The following FAM135A variants were observed in gnomAD, a reference collection of about 807,000 sequenced individuals.
FAM135A encodes the protein family with sequence similarity 135 member A.
A neutral mutation model predicts 146.8 loss-of-function variants in FAM135A; 79 were observed. That is an observed-to-expected ratio of 0.54 (90% CI 0.45 to 0.65). The LOEUF (loss-of-function observed/expected upper bound fraction) is 0.65. FAM135A is among the 30% of genes least tolerant of loss of function. The pLI is 0.00. For synonymous variants in FAM135A, 562 were observed against 603.6 expected (o/e 0.93, Z 1.01); for missense variants, 1,623 against 1,758.2 (o/e 0.92, Z 1.38).
At position 70,538,690 on chromosome 6, in the gene FAM135A, A is replaced by G. The variant is rs551840249; in HGVS notation, c.4228+289A>G. ...AACTCAGTGCCAGTTTTGTTAGTCT[A>G]TGTTTTTAGACCATGTTTCTGCATG... On this transcript the variant is annotated intron_variant, in intron 20 of 21. Coordinates refer to ENST00000418814, the MANE Select transcript of FAM135A (RefSeq NM_001162529.3). Among the ~76,000 whole-genome samples, 626 of 151,748 alleles carry G rather than the reference A, an allele frequency of 4.1e-3. 9 individuals are homozygous for G. Among genetic ancestry groups the G allele is most frequent in the African/African-American group, 0.015 (602 of 41,426 alleles).
At chr6:70,503,607 C>A (rs998242850) in intron 12 of FAM135A, 1 of 152,146 alleles carries the variant, frequency 6.6e-6, no homozygotes, top group Non-Finnish European at 1.5e-5. Context: ...AATTACCATA[C>A]CCTTCCTAAT....
intron 4 of FAM135A, among the ~76,000 whole-genome samples, chr6:70,445,570 G>A (rs1775520496): frequency 6.6e-6 from 1 of 152,140 alleles, no homozygotes. Flanking sequence ...TATCCCTTAT[G>A]GGAAACAAAG....
intron 10 of FAM135A, among the ~76,000 whole-genome samples, chr6:70,487,205 T>C (rs938131174): frequency 6.6e-5 from 10 of 152,132 alleles, no homozygotes; most frequent in Non-Finnish European, 1.2e-4. Context: ...CATTTATTTT[T>C]TGTTATTCTA....
chr6:70,557,660 C>T (rs1306257118), intron 21 of FAM135A: 1 of 133,090 alleles, frequency 7.5e-6, no homozygotes, highest in Admixed American at 8.6e-5. Context: ...TGCTGTTGCA[C>T]TGCAGCCTGA....
At chr6:70,444,362 C>T (rs976171967) in intron 4 of FAM135A, among the ~76,000 whole-genome samples, 1 of 151,944 alleles carries the variant, frequency 6.6e-6, no homozygotes, top group Non-Finnish European at 1.5e-5. Context: ...GAGATCATGC[C>T]ACTACACTCC....
chr6:70,447,723 C>A (rs1031356605), intron 4 of FAM135A, among the ~76,000 whole-genome samples: 137 of 152,308 alleles, frequency 9.0e-4, no homozygotes, highest in African/African-American at 3.2e-3. Context: ...CAGTGTTTTC[C>A]TTTTCTACAT....
intron 21 of FAM135A, 44 bp downstream of exon 21, chr6:70,556,907 G>A (rs754433957): frequency 1.3e-6 from 2 of 1,525,988 alleles, no homozygotes; most frequent in Admixed American, 3.4e-5. Flanking sequence ...GTATTAATGA[G>A]CTCTTTCCAA....
intron 12 of FAM135A, among the ~76,000 whole-genome samples, chr6:70,521,915 T>G (rs769464157): frequency 3.9e-5 from 6 of 152,176 alleles, no homozygotes; most frequent in African/African-American, 7.2e-5. Flanking sequence ...CTTTGCCTTT[T>G]TTTTGTTTTG....
chr6:70,487,477 G>A (rs2128205876), intron 10 of FAM135A, among the ~76,000 whole-genome samples: 1 of 152,224 alleles, frequency 6.6e-6, no homozygotes, highest in African/African-American at 2.4e-5. Flanking sequence ...CCAATTTTCA[G>A]AGGTATGAAA....
intron 20 of FAM135A, among the ~76,000 whole-genome samples, chr6:70,556,242 C>CT (rs1483729300): frequency 6.6e-6 from 1 of 151,684 alleles, no homozygotes; most frequent in Non-Finnish European, 1.5e-5. Flanking sequence ...AAGTGAGACT[C>CT]TATCTCAAAA....
At chr6:70,498,813 T>C (rs1448487222) in intron 11 of FAM135A, among the ~76,000 whole-genome samples, 3 of 152,254 alleles carry the variant, frequency 2.0e-5, no homozygotes, top group Non-Finnish European at 4.4e-5. Context: ...TCCTGAGTTC[T>C]AATTTGATTG....
rs992146126 is a variant in FAM135A, at chr6:70,506,892, C to T, written c.1029+4101C>T. On this transcript the variant is annotated intron_variant, in intron 12 of 21. Transcript: ENST00000418814. ...ATGGAAGTTCTGGGAAGAGAATGGT[C>T]GCAAGGATTAGAGGCAACTTTATAG... Among the ~76,000 whole-genome samples the T allele has an allele frequency of 4.6e-5, 7 of 151,274 alleles. No individual in the cohort carries two copies. The South Asian group carries it at 1.0e-3, about 23-fold the overall frequency.
At chr6:70,492,839 G>GT (rs925753371) in intron 11 of FAM135A, among the ~76,000 whole-genome samples, 3 of 151,958 alleles carry the variant, frequency 2.0e-5, no homozygotes, top group African/African-American at 7.2e-5. Context: ...TTCATTTTTT[G>GT]TAAGAGTGTA....
chr6:70,422,483 GTA>G (rs1467937995), intron 2 of FAM135A, among the ~76,000 whole-genome samples: 2 of 152,082 alleles, frequency 1.3e-5, no homozygotes, highest in Admixed American at 6.6e-5. Context: ...GCATCATTAT[GTA>G]TATATATGTA....
intron 20 of FAM135A, among the ~76,000 whole-genome samples, chr6:70,545,555 G>T (rs1798703627): frequency 6.6e-6 from 1 of 152,138 alleles, no homozygotes; most frequent in South Asian, 2.1e-4. Flanking sequence ...TTGGAGGCCT[G>T]CAGTGAGCCG....
intron 8 of FAM135A, 88 bp downstream of exon 8, chr6:70,477,420 G>A: frequency 1.5e-6 from 2 of 1,344,310 alleles, no homozygotes; most frequent in African/African-American, 1.5e-5. Flanking sequence ...AATAAAAGAG[G>A]TTTAATTGGG....
intron 4 of FAM135A, among the ~76,000 whole-genome samples, chr6:70,433,893 C>A (rs945123191): frequency 6.6e-6 from 1 of 152,042 alleles, no homozygotes; most frequent in Non-Finnish European, 1.5e-5. Context: ...ATTGTTTTGC[C>A]TTAATGGTAA....
At chr6:70,486,746 T>A (rs1784734933) in intron 10 of FAM135A, among the ~76,000 whole-genome samples, 1 of 152,052 alleles carries the variant, frequency 6.6e-6, no homozygotes, top group South Asian at 2.1e-4. Context: ...CTGACCAACA[T>A]AATGAAACCA....
chr6:70,491,382 A>G (rs1785946236), intron 11 of FAM135A, among the ~76,000 whole-genome samples: 1 of 151,974 alleles, frequency 6.6e-6, no homozygotes, highest in South Asian at 2.1e-4. Flanking sequence ...CACATTTTTA[A>G]AACATCACTT....
Sources: allele counts gnomAD v4.1 joint callset (sites outside exome capture counted in the v4.1 genomes callset), GRCh38; gene constraint gnomAD v4.1.1; transcripts MANE v1.5; gene names NCBI Gene and HGNC (gene_info 2026-07-23, HGNC 2026-07-21).